DNAH6: variants seen among roughly 807,000 people sequenced by gnomAD.
The protein encoded by DNAH6 is axonemal beta dynein heavy chain 6.
A neutral mutation model predicts 491.4 loss-of-function variants in DNAH6; 340 were observed. The observed-to-expected ratio is 0.69, with a 90% CI of 0.63 to 0.76. The LOEUF (loss-of-function observed/expected upper bound fraction) is 0.76. Among genes scored for constraint, DNAH6 ranks in the 30% least tolerant of loss-of-function variants. The probability of loss-of-function intolerance (pLI) is 0.00; values close to 1 mark genes in which losing one functional copy is unlikely to be tolerated. For synonymous variants in DNAH6, 1,603 were observed against 1,686.1 expected (o/e 0.95, Z 1.21); for missense variants, 4,443 against 4,972.2 (o/e 0.89, Z 3.20).
At chr2:84,637,783 T>C (rs1689020933) in intron 31 of DNAH6, among the ~76,000 whole-genome samples, 2 of 152,216 alleles carry the variant, frequency 1.3e-5, no homozygotes, top group Non-Finnish European at 2.9e-5. Context: ...ATGAAGTGGT[T>C]GGAGATTGGT....
At chr2:84,564,052 T>C (rs190921060) in intron 11 of DNAH6, among the ~76,000 whole-genome samples, 145 of 152,308 alleles carry the variant, frequency 9.5e-4, no homozygotes, top group Non-Finnish European at 1.7e-3. Context: ...TCTCTTGGTC[T>C]ATGTGTCTGT....
At chr2:84,660,910 A>T (rs1210060050) in intron 37 of DNAH6, among the ~76,000 whole-genome samples, 1 of 152,148 alleles carries the variant, frequency 6.6e-6, no homozygotes, top group Non-Finnish European at 1.5e-5. Flanking sequence ...CTAAAGAGAG[A>T]TAATTAAATG....
chr2:84,783,488 T>G (rs1278689692), intron 65 of DNAH6, among the ~76,000 whole-genome samples: 2 of 152,242 alleles, frequency 1.3e-5, no homozygotes, highest in Non-Finnish European at 2.9e-5. Flanking sequence ...GGTTGTTGTT[T>G]GACTTCTTTG....
At chr2:84,581,037 A>G (rs538346376) in intron 14 of DNAH6, among the ~76,000 whole-genome samples, 17 of 152,318 alleles carry the variant, frequency 1.1e-4, no homozygotes, top group South Asian at 2.1e-4. Flanking sequence ...CTCCCAAGCT[A>G]TAGCTTGCAA....
the DNAH6 span, among the ~76,000 whole-genome samples, chr2:84,475,141 A>G: frequency 3.9e-5 from 6 of 152,168 alleles, no homozygotes; most frequent in Non-Finnish European, 8.8e-5. Context: ...TAGACCTTCC[A>G]AGTAATAGAC....
chr2:84,807,346 G>A (rs1009777386), intron 71 of DNAH6, among the ~76,000 whole-genome samples: 2 of 152,130 alleles, frequency 1.3e-5, no homozygotes, highest in Non-Finnish European at 2.9e-5. Flanking sequence ...TCTCAAATAC[G>A]CAAGAAAAAG....
At chr2:84,815,475 C>G (rs958937214) in intron 75 of DNAH6, among the ~76,000 whole-genome samples, 1 of 151,538 alleles carries the variant, frequency 6.6e-6, no homozygotes. Flanking sequence ...TTATTTAATA[C>G]AAACATTTAA....
rs571512486 is a variant in DNAH6 at position 84,634,603 on chromosome 2, C to G, written c.4615C>G (p.Gln1539Glu). 5.2e-5 allele frequency: 81 copies of G among 1,548,840 alleles called. No individual in the cohort carries two copies. The East Asian group carries it at 1.8e-3, about 34-fold the overall frequency. ...IDIEVLSVIA[Q>E]QLITIRNAKA... Reference sequence around the variant, plus strand: ...CATAGAAGTTCTGTCCGTCATCGCGCAGCAACTCATTACCATTAGGAACGC... The same window carrying G: ...CATAGAAGTTCTGTCCGTCATCGCGGAGCAACTCATTACCATTAGGAACGC... The change falls in exon 30 of 77, where the codon CAG (glutamine) becomes GAG (glutamate). Residue 1539 changes from glutamine to glutamate, a missense_variant. Gln to Glu is a conservative substitution (Grantham distance 29, BLOSUM62 2). Around this residue, in one of 3 missense-constraint regions of DNAH6, gnomAD observed 2,977 missense variants for 3,296.6 expected, o/e 0.90. Coordinates refer to ENST00000389394, the MANE Select transcript of DNAH6 (RefSeq NM_001370.2).
intron 29 of DNAH6, 119 bp downstream of exon 29, chr2:84,625,182 G>A: frequency 1.0e-6 from 1 of 966,720 alleles, no homozygotes; most frequent in East Asian, 2.9e-5. Context: ...AAAAGAAATG[G>A]GGTAAATAAT....
intron 18 of DNAH6, among the ~76,000 whole-genome samples, chr2:84,600,740 A>G (rs1010685589): frequency 6.6e-6 from 1 of 151,964 alleles, no homozygotes; most frequent in African/African-American, 2.4e-5. Flanking sequence ...GATGGTGTTC[A>G]GCTTGACCAC....
the DNAH6 span, among the ~76,000 whole-genome samples, chr2:84,511,274 G>A: frequency 7.6e-3 from 1,153 of 152,262 alleles, 6 homozygotes; most frequent in Admixed American, 0.013. Flanking sequence ...CGGCAATGGC[G>A]GGCGCCCCTC....
chr2:84,811,485 G>A (rs1323569429), intron 72 of DNAH6, among the ~76,000 whole-genome samples: 2 of 152,148 alleles, frequency 1.3e-5, no homozygotes, highest in Non-Finnish European at 2.9e-5. Context: ...AGAAGGAGAG[G>A]CTTGGAGACA....
At chr2:84,472,567 G>T in the DNAH6 span, among the ~76,000 whole-genome samples, 1 of 152,174 alleles carries the variant, frequency 6.6e-6, no homozygotes, top group Non-Finnish European at 1.5e-5. Flanking sequence ...AACCTCTAGG[G>T]TTAACTCCTG....
At chr2:84,536,625 A>G (rs1677714539) in intron 4 of DNAH6, among the ~76,000 whole-genome samples, 2 of 152,034 alleles carry the variant, frequency 1.3e-5, no homozygotes, top group Non-Finnish European at 2.9e-5. Flanking sequence ...TTTGGTGAAT[A>G]ATTTCAAGAG....
chr2:84,515,868 C>CACGGGAACCAAGTAAT (rs1447528822), upstream of DNAH6, among the ~76,000 whole-genome samples: 1 of 152,170 alleles, frequency 6.6e-6, no homozygotes, highest in African/African-American at 2.4e-5. Flanking sequence ...GTAGAAGGGG[C>CACGGGAACCAAGTAAT]ACGGGAACCA....
Position 84,781,396 on chromosome 2 carries a change from A to C in DNAH6, c.10704-97A>C, listed in dbSNP as rs1391136993. On this transcript the variant is annotated intron_variant, in intron 64 of 76. Coordinates refer to ENST00000389394, the MANE Select transcript of DNAH6 (RefSeq NM_001370.2). Reference sequence around the variant, plus strand: ...TGGAATGAGGATTCAAAATGTTTATATATCCTAAGCAAGAGTCTACTGTAT... The same window carrying C: ...TGGAATGAGGATTCAAAATGTTTATCTATCCTAAGCAAGAGTCTACTGTAT... The C allele has an allele frequency of 6.0e-6, 6 of 1,007,276 alleles. No individual in the cohort carries two copies. The Admixed American group carries it at 1.2e-4, about 20-fold the overall frequency. 62.4% of individuals were successfully genotyped at this position (1,007,276 alleles called of 1,614,324 possible). A position where few individuals can be genotyped will look rare whatever the true frequency, so the allele number is the denominator to read the frequency against.
chr2:84,512,076 G>A (rs75237835), upstream of DNAH6, among the ~76,000 whole-genome samples: 3,083 of 152,056 alleles, frequency 0.02, 103 homozygotes, highest in African/African-American at 0.071. Flanking sequence ...CTGTTTTTTT[G>A]GGGGGTGGGA....
chr2:84,479,302 T>C, the DNAH6 span, among the ~76,000 whole-genome samples: 1,687 of 152,340 alleles, frequency 0.011, 29 homozygotes, highest in African/African-American at 0.039. Context: ...GTGGGGCCCT[T>C]GCCGGGAACC....
chr2:84,653,196 A>G lies in DNAH6; in HGVS notation c.5079-123A>G, dbSNP rs970001096. 4 of 825,500 alleles carry G rather than the reference A, an allele frequency of 4.8e-6. No homozygotes were observed. The African/African-American group carries it at 5.2e-5, about 11-fold the overall frequency. 51.1% of individuals were successfully genotyped at this position (825,500 alleles called of 1,614,324 possible). ...AGCACATAGGACAAACTAATACTGT[A>G]CATGTCAGAAGAGAAAGATCAATGA... On this transcript the variant is annotated intron_variant, in intron 33 of 76. Coordinates refer to ENST00000389394, the MANE Select transcript of DNAH6 (RefSeq NM_001370.2).
Sources: gnomAD v4.1 joint callset for allele counts (sites outside exome capture counted in the v4.1 genomes callset) on GRCh38, gnomAD v4.1.1 for gene constraint, gnomAD v4.1.1 regional missense constraint, MANE v1.5 for transcripts, NCBI Gene and HGNC (gene_info 2026-07-23, HGNC 2026-07-21) for gene names.